SLC25A48: variants seen among roughly 807,000 people sequenced by gnomAD.
SLC25A48 encodes the protein solute carrier family 25 member 48.
A neutral mutation model predicts 32.2 loss-of-function variants in SLC25A48; 29 were observed. The observed-to-expected ratio is 0.90, with a 90% CI of 0.67 to 1.23. The LOEUF (loss-of-function observed/expected upper bound fraction) is 1.23. SLC25A48 is among the 50% of genes most tolerant of loss of function. The probability of loss-of-function intolerance (pLI) is 0.00; values close to 1 mark genes in which losing one functional copy is unlikely to be tolerated. For missense variants in SLC25A48, 399 were observed against 422.7 expected (o/e 0.94, Z 0.49); for synonymous variants, 164 against 172.3 (o/e 0.95, Z 0.38).
At chr5:135,839,895 A>G (rs974967463) in intron 1 of SLC25A48, among the ~76,000 whole-genome samples, 1 of 152,240 alleles carries the variant, frequency 6.6e-6, no homozygotes, top group Non-Finnish European at 1.5e-5. Flanking sequence ...CATGTAAGAC[A>G]TGACTTGCTC....
chr5:135,827,534 C>T (rs1051682663), intron 4 of SLC25A48: 4 of 152,190 alleles, frequency 2.6e-5, no homozygotes, highest in African/African-American at 9.7e-5. Flanking sequence ...TAAAGGTACC[C>T]TTGCCAGGAA....
intron 3 of SLC25A48, among the ~76,000 whole-genome samples, chr5:135,712,138 C>T (rs1395640571): frequency 2.6e-5 from 4 of 152,136 alleles, no homozygotes; most frequent in Admixed American, 6.5e-5. Flanking sequence ...TTGTATCTCC[C>T]GCCAGGCACA....
intron 3 of SLC25A48, among the ~76,000 whole-genome samples, chr5:135,723,388 A>T (rs1031243770): frequency 1.8e-4 from 14 of 79,562 alleles, no homozygotes; most frequent in South Asian, 9.4e-4. Flanking sequence ...TCTCACACAC[A>T]CACACACACA....
At chr5:135,789,248 G>A (rs67427688) in intron 3 of SLC25A48, among the ~76,000 whole-genome samples, 95,018 of 146,034 alleles carry the variant, frequency 0.65, 33,017 homozygotes, top group Non-Finnish European at 0.78. Context: ...AGTGGGTGGT[G>A]TTACTTTCCA....
intron 3 of SLC25A48, among the ~76,000 whole-genome samples, chr5:135,763,764 T>TACACACAC (rs56030521): frequency 0.047 from 5,856 of 125,672 alleles, 236 homozygotes; most frequent in African/African-American, 0.11. Context: ...AACACACACA[T>TACACACAC]ACACACACAC....
chr5:135,659,051 C>T (rs1753325052), intron 3 of SLC25A48, among the ~76,000 whole-genome samples: 1 of 152,234 alleles, frequency 6.6e-6, no homozygotes. Flanking sequence ...CATTCTGCTC[C>T]CTTGAGTTTT....
chr5:135,736,480 A>C (rs781692830), intron 3 of SLC25A48, among the ~76,000 whole-genome samples: 2 of 152,030 alleles, frequency 1.3e-5, no homozygotes, highest in Non-Finnish European at 2.9e-5. Context: ...GGAGGGTGGT[A>C]GGTTGCCCGT....
At chr5:135,845,187 G>T (rs779173168) in intron 2 of SLC25A48, among the ~76,000 whole-genome samples, 5 of 152,250 alleles carry the variant, frequency 3.3e-5, no homozygotes, top group Non-Finnish European at 5.9e-5. Flanking sequence ...AGTGCCTGCT[G>T]CAGTGCTCGG....
chr5:135,846,955 G>A (rs7712514), intron 2 of SLC25A48, among the ~76,000 whole-genome samples: 14,193 of 152,158 alleles, frequency 0.093, 1,699 homozygotes, highest in African/African-American at 0.28. Context: ...ATACAATTAT[G>A]CTTAATTTTA....
chr5:135,749,344 C>G (rs1269353191), intron 3 of SLC25A48, among the ~76,000 whole-genome samples: 1 of 151,930 alleles, frequency 6.6e-6, no homozygotes, highest in Non-Finnish European at 1.5e-5. Flanking sequence ...CCAGGTTTCT[C>G]CCACTGTCCC....
At chr5:135,681,728 T>G (rs1189792277) in intron 3 of SLC25A48, among the ~76,000 whole-genome samples, 8 of 152,244 alleles carry the variant, frequency 5.3e-5, no homozygotes, top group Admixed American at 4.6e-4. Flanking sequence ...TAGAAACAAT[T>G]TAATCCTTTT....
intron 1 of SLC25A48, among the ~76,000 whole-genome samples, chr5:135,622,035 A>C (rs1487078047): frequency 6.6e-6 from 1 of 152,236 alleles, no homozygotes; most frequent in Non-Finnish European, 1.5e-5. Flanking sequence ...GGACATAAAT[A>C]ACCAAACCAT....
At chr5:135,594,930 T>C (rs1751610563) in intron 1 of SLC25A48, among the ~76,000 whole-genome samples, 1 of 152,114 alleles carries the variant, frequency 6.6e-6, no homozygotes, top group Non-Finnish European at 1.5e-5. Context: ...GAAACTGAGG[T>C]GCAGTGAGGG....
intron 3 of SLC25A48, among the ~76,000 whole-genome samples, chr5:135,800,901 G>A (rs1197992320): frequency 6.6e-6 from 1 of 150,510 alleles, no homozygotes; most frequent in Non-Finnish European, 1.5e-5. Context: ...CATATCGCAG[G>A]GGCGTGTACA....
At chr5:135,795,131 C>A (rs185147674) in intron 3 of SLC25A48, among the ~76,000 whole-genome samples, 34 of 151,806 alleles carry the variant, frequency 2.2e-4, no homozygotes, top group African/African-American at 7.0e-4. Flanking sequence ...TTGTTCCTAA[C>A]ACCCTGGGTG....
At chr5:135,716,413 G>T (rs528662780) in intron 3 of SLC25A48, among the ~76,000 whole-genome samples, 1 of 152,212 alleles carries the variant, frequency 6.6e-6, no homozygotes. Flanking sequence ...GTTTCAAGAA[G>T]AGGGTGAGCC....
Position 135,784,270 on chromosome 5 carries a change from C to T in SLC25A48, c.-520-28253C>T, listed in dbSNP as rs1471895448. The stretch of plus-strand genomic sequence containing the variant: ...TCCCAATAGCGCAGAGAGTGTACAC[C>T]CCACCTGTGATATGTTCCTAATATA... On this transcript the variant is annotated intron_variant, in intron 3 of 10. Coordinates refer to the SLC25A48 transcript ENST00000646290. Among the ~76,000 whole-genome samples, 3 of 117,016 alleles carry T rather than the reference C, an allele frequency of 2.6e-5. 1 individual carries two copies. Among genetic ancestry groups the T allele is most frequent in the Non-Finnish European group, 6.3e-5 (3 of 47,322 alleles). 76.8% of individuals were successfully genotyped at this position (117,016 alleles called of 152,430 possible). A position where few individuals can be genotyped will look rare whatever the true frequency, so the allele number is the denominator to read the frequency against.
chr5:135,697,141 T>C (rs532940529), intron 3 of SLC25A48, among the ~76,000 whole-genome samples: 11 of 152,220 alleles, frequency 7.2e-5, no homozygotes, highest in Non-Finnish European at 1.5e-4. Flanking sequence ...ACAATTGACA[T>C]CCAAAATTAT....
chr5:135,868,146 T>C (rs142252132), intron 4 of SLC25A48, among the ~76,000 whole-genome samples: 2 of 152,284 alleles, frequency 1.3e-5, no homozygotes, highest in Non-Finnish European at 2.9e-5. Flanking sequence ...TATAGTTCAA[T>C]TAAAAGACAA....
Sources: allele counts gnomAD v4.1 joint callset (sites outside exome capture counted in the v4.1 genomes callset), GRCh38; gene constraint gnomAD v4.1.1; transcripts MANE v1.5; gene names NCBI Gene and HGNC (gene_info 2026-07-23, HGNC 2026-07-21).